TCF7L1: variants seen among roughly 807,000 people sequenced by gnomAD.
TCF7L1 encodes transcription factor 7-like 1.
In TCF7L1, 18 loss-of-function variants were observed where a neutral mutation model predicts 63.7. The ratio of observed to expected loss-of-function variants is 0.28; its 90% CI spans 0.20 to 0.42. The LOEUF (loss-of-function observed/expected upper bound fraction) is 0.42, where lower values mean the gene tolerates loss of function less well. TCF7L1 is among the 10% of genes least tolerant of loss of function. TCF7L1 has a pLI of 1.00. For missense variants in TCF7L1, 654 were observed against 779.3 expected, an observed-to-expected ratio of 0.84 and a Z score of 1.91; for synonymous variants, 355 against 340.9, an observed-to-expected ratio of 1.04 and a Z score of -0.46.
chr2:85,261,895 G>A (rs1211166663), intron 3 of TCF7L1, among the ~76,000 whole-genome samples: 1 of 152,056 alleles, frequency 6.6e-6, no homozygotes, highest in Non-Finnish European at 1.5e-5. Context: ...TTTGTTGTAA[G>A]ACAAACAATC....
intron 3 of TCF7L1, among the ~76,000 whole-genome samples, chr2:85,204,156 C>T (rs1292388455): frequency 6.6e-6 from 1 of 152,162 alleles, no homozygotes; most frequent in Non-Finnish European, 1.5e-5. Context: ...CTCTGCCTAG[C>T]TCCACTTCAC....
chr2:85,241,791 C>T lies in TCF7L1; in HGVS notation c.442-41704C>T, dbSNP rs367820654. Among the ~76,000 whole-genome samples, 39 of 151,588 alleles carry T rather than the reference C, an allele frequency of 2.6e-4. 3 individuals are homozygous for T. The South Asian group carries it at 4.0e-3, about 15-fold the overall frequency. ...CTTGTTCATGCATGATAATTCAGGC[C>T]CCAGATATATTTTTATTTTATTGAC... On this transcript the variant is annotated intron_variant, in intron 3 of 11. Transcript: ENST00000282111.
chr2:85,150,326 C>T (rs1397370871), intron 3 of TCF7L1, among the ~76,000 whole-genome samples: 1 of 151,936 alleles, frequency 6.6e-6, no homozygotes. Flanking sequence ...CTCCACCTCC[C>T]GGGTTCACGC....
chr2:85,248,862 T>C (rs915308925), intron 3 of TCF7L1, among the ~76,000 whole-genome samples: 1 of 152,198 alleles, frequency 6.6e-6, no homozygotes, highest in African/African-American at 2.4e-5. Context: ...GGCCTGAGGA[T>C]TGACATTTCC....
intron 3 of TCF7L1, among the ~76,000 whole-genome samples, chr2:85,228,209 C>T (rs1212184023): frequency 6.6e-6 from 1 of 151,790 alleles, no homozygotes; most frequent in Non-Finnish European, 1.5e-5. Flanking sequence ...CACTTGAGCC[C>T]ACGGGTTCAA....
rs892944156 is a variant in TCF7L1 at position 85,165,700 on chromosome 2, G to A, written c.441+31250G>A. 1.5e-4 allele frequency among the ~76,000 whole-genome samples: 23 copies of A among 152,292 alleles called. 1 individual carries two copies. Among genetic ancestry groups the A allele is most frequent in the East Asian group, 9.6e-4 (5 of 5,190 alleles). ...CTGGTTGATGTGAAAATAATCTGCT[G>A]TAGATCATTAGGTTTATGGAACTTG... On this transcript the variant is annotated intron_variant, in intron 3 of 11. Transcript: ENST00000282111.
At chr2:85,150,586 C>CTTTT (rs71390054) in intron 3 of TCF7L1, among the ~76,000 whole-genome samples, 1 of 140,438 alleles carries the variant, frequency 7.1e-6, no homozygotes. Flanking sequence ...AGAACCTTGA[C>CTTTT]TTTTTTTTTT....
intron 4 of TCF7L1, among the ~76,000 whole-genome samples, chr2:85,302,164 A>G (rs113070842): frequency 2.0e-5 from 3 of 152,198 alleles, no homozygotes; most frequent in African/African-American, 4.8e-5. Context: ...ACCTTTTTAG[A>G]TTCAATGAGA....
chr2:85,201,427 C>T (rs911454778), intron 3 of TCF7L1, among the ~76,000 whole-genome samples: 2 of 152,092 alleles, frequency 1.3e-5, no homozygotes, highest in African/African-American at 2.4e-5. Flanking sequence ...CTAGTATCTA[C>T]GTAGATTTGA....
intron 3 of TCF7L1, among the ~76,000 whole-genome samples, chr2:85,269,825 C>T (rs1335553058): frequency 6.6e-6 from 1 of 152,206 alleles, no homozygotes; most frequent in Non-Finnish European, 1.5e-5. Context: ...GCCACATGTG[C>T]ACCCACATTT....
chr2:85,218,644 G>GGT (rs924802076), intron 3 of TCF7L1, among the ~76,000 whole-genome samples: 8 of 148,136 alleles, frequency 5.4e-5, no homozygotes, highest in African/African-American at 2.1e-4. Flanking sequence ...TCCAATGGGG[G>GGT]GGGGAAAACT....
chr2:85,199,760 T>G (rs779438866), intron 3 of TCF7L1, among the ~76,000 whole-genome samples: 1 of 152,218 alleles, frequency 6.6e-6, no homozygotes, highest in Non-Finnish European at 1.5e-5. Flanking sequence ...AAAATATATC[T>G]TATTTATTTA....
intron 3 of TCF7L1, among the ~76,000 whole-genome samples, chr2:85,215,089 AT>A (rs1387311250): frequency 6.6e-6 from 1 of 152,168 alleles, no homozygotes; most frequent in Non-Finnish European, 1.5e-5. Context: ...TCCCTCTACA[AT>A]TAGATGAGAT....
intron 3 of TCF7L1, among the ~76,000 whole-genome samples, chr2:85,214,360 AG>A (rs1220493111): frequency 1.3e-5 from 2 of 152,154 alleles, no homozygotes; most frequent in Admixed American, 6.5e-5. Flanking sequence ...TCCTATGAGG[AG>A]GAGTTAGGGA....
At chr2:85,258,278 C>T (rs1680769838) in intron 3 of TCF7L1, among the ~76,000 whole-genome samples, 1 of 152,126 alleles carries the variant, frequency 6.6e-6, no homozygotes, top group Admixed American at 6.5e-5. Context: ...CTCTGACCAC[C>T]CTGACCACTT....
At chr2:85,283,423 A>G in intron 3 of TCF7L1, 72 bp from the exon 4 acceptor site, 3 of 1,558,952 alleles carry the variant, frequency 1.9e-6, no homozygotes, top group Non-Finnish European at 2.7e-6. Flanking sequence ...CTAACAGCAG[A>G]GCCCAGCAAA....
chr2:85,168,507 G>C (rs1177437390), intron 3 of TCF7L1, among the ~76,000 whole-genome samples: 2 of 152,172 alleles, frequency 1.3e-5, no homozygotes, highest in African/African-American at 4.8e-5. Flanking sequence ...GTGTCGGGGA[G>C]TCATGGAGCT....
chr2:85,141,864 G>A (rs986911072), intron 3 of TCF7L1, among the ~76,000 whole-genome samples: 3 of 152,184 alleles, frequency 2.0e-5, no homozygotes, highest in Non-Finnish European at 4.4e-5. Flanking sequence ...AGTGTGCATT[G>A]GAGGACCAGA....
intron 3 of TCF7L1, among the ~76,000 whole-genome samples, chr2:85,231,372 T>A (rs928880517): frequency 1.3e-5 from 2 of 152,260 alleles, no homozygotes; most frequent in African/African-American, 4.8e-5. Context: ...TTGGCTGAGA[T>A]GACAGAGTTA....
Sources: allele counts gnomAD v4.1 joint callset (sites outside exome capture counted in the v4.1 genomes callset), GRCh38; gene constraint gnomAD v4.1.1; transcripts MANE v1.5; gene names NCBI Gene and HGNC (gene_info 2026-07-23, HGNC 2026-07-21).